ZNF560: variants seen among roughly 807,000 people sequenced by gnomAD.
ZNF560 encodes zinc finger protein 560.
A neutral mutation model predicts 81.8 loss-of-function variants in ZNF560; 54 were observed. That is an observed-to-expected ratio of 0.66 (90% CI 0.53 to 0.83). The LOEUF (loss-of-function observed/expected upper bound fraction) is 0.83. ZNF560 is among the 40% of genes least tolerant of loss of function. The pLI, the probability that ZNF560 is intolerant of heterozygous loss-of-function variation, is 0.00. For synonymous variants in ZNF560, 321 were observed against 317.9 expected (o/e 1.01, Z -0.10); for missense variants, 940 against 932.4 (o/e 1.01, Z -0.11).
intron 2 of ZNF560, among the ~76,000 whole-genome samples, chr19:9,494,315 T>C (rs1411825176): frequency 9.9e-5 from 15 of 152,152 alleles, no homozygotes; most frequent in Non-Finnish European, 1.5e-5. Flanking sequence ...ACTGTGAACA[T>C]GCCAGTTACC....
chr19:9,446,365 T>TACACACACACACACACACACACACAC, the ZNF560 span, among the ~76,000 whole-genome samples: 2 of 145,144 alleles, frequency 1.4e-5, no homozygotes, highest in African/African-American at 5.1e-5. Context: ...TGCCAAGTCA[T>TACACACACACACACACACACACACAC]ACACACACAC....
At chr19:9,482,937 T>C (rs2073315950) in intron 2 of ZNF560, among the ~76,000 whole-genome samples, 1 of 152,208 alleles carries the variant, frequency 6.6e-6, no homozygotes, top group African/African-American at 2.4e-5. Flanking sequence ...GGTGCCGGGA[T>C]TGCAGATGGA....
chr19:9,448,449 TG>T, the ZNF560 span, among the ~76,000 whole-genome samples: 1 of 139,190 alleles, frequency 7.2e-6, no homozygotes, highest in Admixed American at 7.7e-5. Context: ...TTGGTCAGGC[TG>T]GTCTTGAACT....
At chr19:9,500,394 C>A (rs369916598), upstream of ZNF560, among the ~76,000 whole-genome samples, 792 of 82,202 alleles carry the variant, frequency 9.6e-3, no homozygotes, top group African/African-American at 0.013. Flanking sequence ...AACTTCATCT[C>A]AAAAAAAAAA....
intron 2 of ZNF560, among the ~76,000 whole-genome samples, chr19:9,478,077 A>C (rs1384840013): frequency 6.6e-6 from 1 of 152,186 alleles, no homozygotes; most frequent in Non-Finnish European, 1.5e-5. Context: ...AAACAAGGCT[A>C]CCCTAAGATA....
At chr19:9,484,837 A>G (rs2073359773) in intron 2 of ZNF560, among the ~76,000 whole-genome samples, 1 of 145,564 alleles carries the variant, frequency 6.9e-6, no homozygotes, top group Non-Finnish European at 1.5e-5. Flanking sequence ...TAAAAAATAA[A>G]AAAAAGAAAA....
At chr19:9,497,636 T>A (rs935128967) in intron 2 of ZNF560, among the ~76,000 whole-genome samples, 3 of 151,560 alleles carry the variant, frequency 2.0e-5, no homozygotes, top group Non-Finnish European at 2.9e-5. Context: ...AGACGGCGAA[T>A]ACACAAAACG....
chr19:9,455,753 G>A, the ZNF560 span, among the ~76,000 whole-genome samples: 1 of 152,132 alleles, frequency 6.6e-6, no homozygotes, highest in Non-Finnish European at 1.5e-5. Context: ...CTGTTAGAGG[G>A]AAAGCACATT....
intron 4 of ZNF560, 104 bp downstream of exon 4, chr19:9,474,095 C>G (rs991751679): frequency 1.5e-6 from 2 of 1,316,508 alleles, no homozygotes; most frequent in Non-Finnish European, 2.2e-6. Context: ...GCAGGGACAA[C>G]GTCTCTGGTG....
At chr19:9,501,815 C>A (rs2073635800), upstream of ZNF560, among the ~76,000 whole-genome samples, 1 of 151,488 alleles carries the variant, frequency 6.6e-6, no homozygotes, top group African/African-American at 2.4e-5. Flanking sequence ...TATTTTTTAT[C>A]TGGCTTCAGT....
At chr19:9,447,502 TAAG>T in the ZNF560 span, among the ~76,000 whole-genome samples, 4 of 151,272 alleles carry the variant, frequency 2.6e-5, no homozygotes, top group African/African-American at 7.3e-5. Context: ...ATCAACAAAA[TAAG>T]AAATAAACAT....
chr19:9,475,254 A>G, intron 3 of ZNF560, 30 bp downstream of exon 3: 1 of 1,612,280 alleles, frequency 6.2e-7, no homozygotes, highest in African/African-American at 1.3e-5. Context: ...CAAGTATGTC[A>G]TTTTGTGGAA....
the ZNF560 span, among the ~76,000 whole-genome samples, chr19:9,503,877 T>C: frequency 6.6e-6 from 1 of 152,168 alleles, no homozygotes; most frequent in African/African-American, 2.4e-5. Context: ...TACATATTAA[T>C]GGAGTATAAA....
chr19:9,503,527 A>C (rs1468754578), upstream of ZNF560, among the ~76,000 whole-genome samples: 1 of 152,056 alleles, frequency 6.6e-6, no homozygotes, highest in African/African-American at 2.4e-5. Flanking sequence ...CTCATTTTAA[A>C]ATTACTTTGT....
Position 9,487,869 on chromosome 19 carries a change from T to C in ZNF560, c.-57+10259A>G, listed in dbSNP as rs150936632. On this transcript the variant is annotated intron_variant, in intron 2 of 9. Coordinates refer to ENST00000301480, the MANE Select transcript of ZNF560 (RefSeq NM_152476.3). The stretch of plus-strand genomic sequence containing the variant: ...AATATGAATTTTTTAAAATGTACAA[T>C]GTATTCAGGGAAGAATGACAATATG... 8.4e-4 allele frequency among the ~76,000 whole-genome samples: 128 copies of C among 152,294 alleles called. 1 individual carries two copies. The highest frequency in any genetic ancestry group is 1.5e-3 in the Non-Finnish European group (99 of 68,024).
At chr19:9,468,725 CTTTTTTTT>C in intron 9 of ZNF560, among the ~76,000 whole-genome samples, 1 of 123,034 alleles carries the variant, frequency 8.1e-6, no homozygotes, top group Non-Finnish European at 1.7e-5. Flanking sequence ...CTGCTGATTT[CTTTTTTTT>C]TTTTTTTTTT....
At chr19:9,454,207 C>T in the ZNF560 span, among the ~76,000 whole-genome samples, 1 of 152,366 alleles carries the variant, frequency 6.6e-6, no homozygotes, top group Non-Finnish European at 1.5e-5. Context: ...AATCTATAAA[C>T]TGCAGAAACG....
the ZNF560 span, among the ~76,000 whole-genome samples, chr19:9,446,365 T>TACACACAC: frequency 0.01 from 1,521 of 145,226 alleles, 17 homozygotes; most frequent in South Asian, 0.022. Context: ...TGCCAAGTCA[T>TACACACAC]ACACACACAC....
At chr19:9,476,659 AAG>A (rs1274298485) in intron 2 of ZNF560, among the ~76,000 whole-genome samples, 1 of 152,222 alleles carries the variant, frequency 6.6e-6, no homozygotes, top group East Asian at 1.9e-4. Context: ...CCACCCTGTG[AAG>A]AGGTGTCTTC....
Sources: allele counts gnomAD v4.1 joint callset (sites outside exome capture counted in the v4.1 genomes callset), GRCh38; gene constraint gnomAD v4.1.1; transcripts MANE v1.5; gene names NCBI Gene and HGNC (gene_info 2026-07-23, HGNC 2026-07-21).